CFTR: variants seen among roughly 807,000 people sequenced by gnomAD.
The protein encoded by CFTR is cystic fibrosis transmembrane conductance regulator.
Under a neutral mutation model 171.6 loss-of-function variants are expected in CFTR, and 181 were observed. The observed-to-expected ratio is 1.05, with a 90% CI of 0.93 to 1.19. The LOEUF (loss-of-function observed/expected upper bound fraction) is 1.19. Ranked by LOEUF, CFTR falls within the 50% of genes most tolerant of loss-of-function variation. CFTR has a pLI of 0.00. For missense variants in CFTR, 1,968 were observed against 1,734.7 expected, an observed-to-expected ratio of 1.13 and a Z score of -2.39; for synonymous variants, 583 against 608.0, an observed-to-expected ratio of 0.96 and a Z score of 0.60.
chr7:117,556,328 G>A (rs1164923900), intron 10 of CFTR, among the ~76,000 whole-genome samples: 1 of 151,832 alleles, frequency 6.6e-6, no homozygotes, highest in African/African-American at 2.4e-5. Flanking sequence ...CTCCCAAAGT[G>A]TTGGGATTAC....
intron 11 of CFTR, among the ~76,000 whole-genome samples, chr7:117,573,398 A>T (rs1288713741): frequency 1.3e-5 from 2 of 152,166 alleles, no homozygotes; most frequent in Non-Finnish European, 2.9e-5. Flanking sequence ...AATGTGTTGT[A>T]TACACAGAAT....
Position 117,610,579 on chromosome 7 carries a change from G to T in CFTR, c.3049G>T (p.Val1017Phe). 6.2e-7 allele frequency: 1 copy of T among 1,613,422 alleles called. No homozygotes were observed. The highest frequency in any genetic ancestry group is 8.5e-7 in the Non-Finnish European group (1 of 1,179,606). The part of the protein sequence containing the change: ...VVAVLQPYIF[V>F]ATVPVIVAFI... Reference sequence around the variant, plus strand: ...CGCAGTTTTACAACCCTACATCTTTGTTGCAACAGTGCCAGTGATAGTGGC... The same window carrying T: ...CGCAGTTTTACAACCCTACATCTTTTTTGCAACAGTGCCAGTGATAGTGGC... Residue 1017 changes from valine (V) to phenylalanine (F), a missense_variant, in exon 19 of 27, where the codon GTT becomes TTT. Transcript: ENST00000003084.
At chr7:117,622,325 T>C (rs1792595551) in intron 21 of CFTR, among the ~76,000 whole-genome samples, 2 of 152,182 alleles carry the variant, frequency 1.3e-5, no homozygotes, top group Admixed American at 1.3e-4. Context: ...CTTAAGTTTA[T>C]GTTCATGGCC....
At chr7:117,552,765 T>A (rs1289185500) in intron 10 of CFTR, among the ~76,000 whole-genome samples, 1 of 152,128 alleles carries the variant, frequency 6.6e-6, no homozygotes, top group East Asian at 1.9e-4. Context: ...TGTAACAATA[T>A]GCAGAGTTTT....
At chr7:117,524,314 T>C (rs1222522273) in intron 3 of CFTR, among the ~76,000 whole-genome samples, 1 of 149,898 alleles carries the variant, frequency 6.7e-6, no homozygotes, top group African/African-American at 2.5e-5. Flanking sequence ...ACTTCTAACA[T>C]AGATAGCACA....
At chr7:117,614,371 G>T (rs1792451026) in intron 20 of CFTR, among the ~76,000 whole-genome samples, 1 of 152,010 alleles carries the variant, frequency 6.6e-6, no homozygotes, top group Non-Finnish European at 1.5e-5. Flanking sequence ...TTTAAAAAGG[G>T]CAACACTTTC....
chr7:117,579,701 A>T (rs1791823284), intron 11 of CFTR, among the ~76,000 whole-genome samples: 1 of 151,208 alleles, frequency 6.6e-6, no homozygotes, highest in African/African-American at 2.4e-5. Flanking sequence ...GTGCCAAAAA[A>T]CCTAGCACAG....
intron 2 of CFTR, among the ~76,000 whole-genome samples, chr7:117,504,980 T>C (rs1430366830): frequency 6.6e-6 from 1 of 152,170 alleles, no homozygotes; most frequent in Non-Finnish European, 1.5e-5. Context: ...GTATATTTGC[T>C]TTCAAAACCT....
At chr7:117,574,449 C>A (rs987573642) in intron 11 of CFTR, among the ~76,000 whole-genome samples, 19 of 152,036 alleles carry the variant, frequency 1.2e-4, no homozygotes, top group African/African-American at 3.9e-4. Context: ...GTACACATTT[C>A]TCTTTATATA....
At chr7:117,547,894 A>G (rs2115899530) in intron 9 of CFTR, among the ~76,000 whole-genome samples, 2 of 152,294 alleles carry the variant, frequency 1.3e-5, no homozygotes, top group Admixed American at 1.3e-4. Context: ...ATTTTAGGAA[A>G]GAGTGAATAG....
intron 3 of CFTR, among the ~76,000 whole-genome samples, chr7:117,516,856 A>G (rs1798602801): frequency 6.6e-6 from 1 of 152,168 alleles, no homozygotes; most frequent in Non-Finnish European, 1.5e-5. Flanking sequence ...TTTGCCAGCT[A>G]CTAGCCATGT....
chr7:117,544,107 T>C (rs1240662304), intron 9 of CFTR, among the ~76,000 whole-genome samples: 1 of 152,206 alleles, frequency 6.6e-6, no homozygotes, highest in African/African-American at 2.4e-5. Context: ...ATTTAACCTC[T>C]GCTTATTCGA....
chr7:117,521,449 G>A (rs1201242746), intron 3 of CFTR, among the ~76,000 whole-genome samples: 1 of 151,796 alleles, frequency 6.6e-6, no homozygotes, highest in Admixed American at 6.6e-5. Context: ...TCCTTTTTCA[G>A]GTTAATAATG....
At chr7:117,534,520 T>C (rs2116675369) in intron 5 of CFTR, among the ~76,000 whole-genome samples, 155 bp downstream of exon 5, 1 of 152,300 alleles carries the variant, frequency 6.6e-6, no homozygotes, top group East Asian at 1.9e-4. Flanking sequence ...GTCAATTGTA[T>C]AGCAGAGCAC....
Position 117,667,400 on chromosome 7 carries a change from T to G in CFTR, c.*292T>G. Reference sequence around the variant, plus strand: ...GATTTTCCTGAAAACCCTTGCCATGTGCTAGTAATTGGAAAGGCAGCTCTA... The same window carrying G: ...GATTTTCCTGAAAACCCTTGCCATGGGCTAGTAATTGGAAAGGCAGCTCTA... On this transcript the variant is annotated 3_prime_UTR_variant, in exon 27 of 27. Transcript: ENST00000003084. 1 of 399,332 alleles carries G rather than the reference T, an allele frequency of 2.5e-6. No homozygotes were observed. The highest frequency in any genetic ancestry group is 4.8e-6 in the Non-Finnish European group (1 of 210,132). The allele number at this position is 399,332 out of a possible 1,614,324, so 24.7% of individuals were successfully genotyped here.
chr7:117,508,635 C>A (rs1036341899), intron 2 of CFTR, among the ~76,000 whole-genome samples: 1 of 152,132 alleles, frequency 6.6e-6, no homozygotes, highest in African/African-American at 2.4e-5. Context: ...CAGTTCTAAA[C>A]CAATAAAGAT....
At chr7:117,504,833 AAG>A in intron 2 of CFTR, among the ~76,000 whole-genome samples, 1 of 152,240 alleles carries the variant, frequency 6.6e-6, no homozygotes, top group Admixed American at 6.5e-5. Flanking sequence ...AAAATCATAA[AAG>A]AAAAATAATC....
At chr7:117,591,789 G>T in intron 13 of CFTR, 145 bp from the exon 14 acceptor site, 1 of 531,174 alleles carries the variant, frequency 1.9e-6, no homozygotes, top group Non-Finnish European at 3.2e-6. Context: ...AATTACTACA[G>T]AGTACTTATA....
At chr7:117,649,488 T>TA (rs1467339395) in intron 23 of CFTR, among the ~76,000 whole-genome samples, 4,343 of 130,810 alleles carry the variant, frequency 0.033, 162 homozygotes, top group African/African-American at 0.11. Flanking sequence ...ATATATAGTG[T>TA]GTGTGTGTGT....
Sources: gnomAD v4.1 joint callset for allele counts (sites outside exome capture counted in the v4.1 genomes callset) on GRCh38, gnomAD v4.1.1 for gene constraint, MANE v1.5 for transcripts, NCBI Gene and HGNC (gene_info 2026-07-23, HGNC 2026-07-21) for gene names.